ZNF711: variants seen among roughly 807,000 people sequenced by gnomAD.
ZNF711 encodes ZFX family zinc finger ZNF711.
In ZNF711, 3 loss-of-function variants were observed where a neutral mutation model predicts 43.5. The ratio of observed to expected loss-of-function variants is 0.07; its 90% CI spans 0.03 to 0.18. ZNF711 has a LOEUF of 0.18. Ranked by LOEUF, ZNF711 falls within the 10% of genes least tolerant of loss-of-function variation. The probability of loss-of-function intolerance (pLI) is 1.00; values close to 1 mark genes in which losing one functional copy is unlikely to be tolerated. For synonymous variants in ZNF711, 209 were observed against 207.7 expected (o/e 1.01, Z -0.06); for missense variants, 412 against 604.0 (o/e 0.68, Z 3.33).
intron 8 of ZNF711, among the ~76,000 whole-genome samples, 182 bp downstream of exon 8, chrX:85,267,597 T>C (rs181340903): frequency 1.8e-5 from 2 of 112,130 alleles, no homozygotes; most frequent in Non-Finnish European, 3.8e-5. Context: ...CCTTGTACTA[T>C]TTAAAATGAA....
At position 85,273,134 on chromosome X, in the gene ZNF711, T is replaced by A. The variant is rs1258414427; in HGVS notation, c.*1306T>A. The A allele has an allele frequency of 8.9e-6, 1 of 112,167 alleles. No homozygotes were observed. The highest frequency in any genetic ancestry group is 1.9e-5 in the Non-Finnish European group (1 of 53,076). The allele number at this position is 112,167 out of a possible 1,213,427, so 9.2% of individuals were successfully genotyped here. On this transcript the variant is annotated 3_prime_UTR_variant, in exon 11 of 11. Coordinates refer to ENST00000674551, the MANE Select transcript of ZNF711 (RefSeq NM_001330574.2). ...TTGTGGCTTTGTGTTTCAAATAATG[T>A]TCACCTTTCTGTTTTTGCACCAGAT...
intron 7 of ZNF711, among the ~76,000 whole-genome samples, chrX:85,266,679 G>A (rs1931124533): frequency 9.3e-6 from 1 of 107,281 alleles, no homozygotes; most frequent in African/African-American, 3.4e-5. Context: ...TTTTCTTACC[G>A]CAATATTGTT....
Position 85,271,348 on chromosome X carries a change from A to G in ZNF711, c.1944A>G (p.Ser648=). The change falls in exon 11 of 11, where the codon TCA becomes TCG. Residue 648 remains serine, a synonymous_variant. Transcript: ENST00000674551. The stretch of plus-strand genomic sequence containing the variant: ...ATTGTGACCATAAGAGCACCAATTC[A>G]AGTGACCTTAAGCGGCACATCATAT... ...CPHCDHKSTN[S]SDLKRHIISV... is the part of the protein sequence containing the mutation. 2.5e-6 allele frequency: 3 copies of G among 1,210,214 alleles called. No individual in the cohort carries two copies. Among genetic ancestry groups the G allele is most frequent in the Non-Finnish European group, 3.4e-6 (3 of 894,728 alleles).
chrX:85,270,200 T>A, intron 10 of ZNF711, 54 bp downstream of exon 10: 1 of 1,148,011 alleles, frequency 8.7e-7, no homozygotes, highest in South Asian at 1.9e-5. Flanking sequence ...GAAGTATTTT[T>A]TGTCACCAAA....
At chrX:85,266,201 T>G (rs1039746873) in intron 7 of ZNF711, among the ~76,000 whole-genome samples, 2 of 111,420 alleles carry the variant, frequency 1.8e-5, no homozygotes, top group Admixed American at 1.9e-4. Context: ...TGATACCTAC[T>G]CCAAGTTTCC....
rs146633029 is a variant in ZNF711, at chrX:85,260,293, A to G, written c.623-3982A>G. 2.5e-4 allele frequency among the ~76,000 whole-genome samples: 27 copies of G among 107,923 alleles called. No individual in the cohort carries two copies. In the East Asian group the frequency reaches 6.5e-3, roughly 26 times the overall value. 93.7% of individuals were successfully genotyped at this position (107,923 alleles called of 115,157 possible). ...TTTGATGTGCTGTTGAATTTAGTTT[A>G]CTAGTATTTTCTTGAGGATTCTTGC... On this transcript the variant is annotated intron_variant, in intron 5 of 10. Coordinates refer to ENST00000674551, the MANE Select transcript of ZNF711 (RefSeq NM_001330574.2).
At chrX:85,247,729 G>T in intron 4 of ZNF711, 78 bp downstream of exon 4, 1 of 795,495 alleles carries the variant, frequency 1.3e-6, no homozygotes. Context: ...AGTTGAGGAA[G>T]GGGAGAATTA....
chrX:85,257,617 A>G (rs113073656), intron 5 of ZNF711, among the ~76,000 whole-genome samples: 9,019 of 112,137 alleles, frequency 0.08, 796 homozygotes, highest in African/African-American at 0.26. Flanking sequence ...ATTGTAAATA[A>G]TGCTGTGATG....
intron 2 of ZNF711, among the ~76,000 whole-genome samples, 165 bp downstream of exon 2, chrX:85,246,187 A>C (rs1446554553): frequency 9.2e-6 from 1 of 108,823 alleles, no homozygotes; most frequent in Non-Finnish European, 1.9e-5. Context: ...TGTTAAGAAC[A>C]TGTCCCTTTC....
intron 4 of ZNF711, among the ~76,000 whole-genome samples, chrX:85,249,069 TGA>T (rs1929314356): frequency 8.9e-6 from 1 of 112,119 alleles, no homozygotes; most frequent in South Asian, 3.7e-4. Context: ...ATATTGGATG[TGA>T]GTTAATTGAT....
At chrX:85,265,787 C>G (rs1931042609) in intron 7 of ZNF711, among the ~76,000 whole-genome samples, 1 of 111,111 alleles carries the variant, frequency 9.0e-6, no homozygotes, top group Non-Finnish European at 1.9e-5. Context: ...CTGTTGGCTT[C>G]TCTCTGGATT....
At chrX:85,255,175 A>C in intron 4 of ZNF711, 84 bp from the exon 5 acceptor site, 2 of 874,560 alleles carry the variant, frequency 2.3e-6, no homozygotes, top group Non-Finnish European at 3.3e-6. Context: ...TTTAAGAAAT[A>C]TTTATAGCAT....
intron 4 of ZNF711, among the ~76,000 whole-genome samples, chrX:85,248,810 A>G (rs187075943): frequency 8.9e-6 from 1 of 112,123 alleles, no homozygotes; most frequent in East Asian, 2.8e-4. Flanking sequence ...TTGCTAAGTT[A>G]AGAAAATGCT....
rs1323840950 is a variant in ZNF711 at position 85,245,909 on chromosome X, A to G, written c.-399A>G. The stretch of plus-strand genomic sequence containing the variant: ...GAATGTATTTTTATAATAGGTAAAG[A>G]GAGCGTTTTCCCAAAGAAAATAACA... On this transcript the variant is annotated 5_prime_UTR_variant, in exon 2 of 11. Coordinates refer to ENST00000674551, the MANE Select transcript of ZNF711 (RefSeq NM_001330574.2). The G allele has an allele frequency of 8.9e-6, 1 of 112,150 alleles. No individual in the cohort carries two copies. Among genetic ancestry groups the G allele is most frequent in the African/African-American group, 3.2e-5 (1 of 30,846 alleles). 9.2% of individuals were successfully genotyped at this position (112,150 alleles called of 1,213,427 possible). A position where few individuals can be genotyped will look rare whatever the true frequency, so the allele number is the denominator to read the frequency against.
chrX:85,254,839 C>T (rs1165228424), intron 4 of ZNF711, among the ~76,000 whole-genome samples: 1 of 107,953 alleles, frequency 9.3e-6, no homozygotes, highest in African/African-American at 3.4e-5. Context: ...AAAAAGAAAT[C>T]GCCAAACTAT....
chrX:85,263,646 G>T (rs2147851565), intron 5 of ZNF711, among the ~76,000 whole-genome samples: 1 of 109,360 alleles, frequency 9.1e-6, no homozygotes, highest in South Asian at 3.8e-4. Context: ...TAGTTTATGT[G>T]AACTCATTTT....
intron 5 of ZNF711, among the ~76,000 whole-genome samples, chrX:85,256,725 T>G (rs910354919): frequency 9.4e-6 from 1 of 106,927 alleles, no homozygotes; most frequent in African/African-American, 3.5e-5. Context: ...TTATTTAATT[T>G]GTGAATTTAA....
chrX:85,253,970 C>T (rs1243821722), intron 4 of ZNF711, among the ~76,000 whole-genome samples: 1 of 111,286 alleles, frequency 9.0e-6, no homozygotes, highest in Non-Finnish European at 1.9e-5. Context: ...AATATATCAA[C>T]AGTGTGTTCA....
Position 85,272,811 on chromosome X carries a change from T to G in ZNF711, c.*983T>G, listed in dbSNP as rs1402735893. On this transcript the variant is annotated 3_prime_UTR_variant, in exon 11 of 11. Transcript: ENST00000674551. ...TATACCATATGATTAACATGCATTT[T>G]CAATATGAGGCAGTGTTTATGCAGT... 2 of 112,195 alleles carry G rather than the reference T, an allele frequency of 1.8e-5. No individual in the cohort carries two copies. Among genetic ancestry groups the G allele is most frequent in the Non-Finnish European group, 3.8e-5 (2 of 53,081 alleles). 9.2% of individuals were successfully genotyped at this position (112,195 alleles called of 1,213,427 possible). A position where few individuals can be genotyped will look rare whatever the true frequency, so the allele number is the denominator to read the frequency against.
Sources: allele counts gnomAD v4.1 joint callset (sites outside exome capture counted in the v4.1 genomes callset), GRCh38; gene constraint gnomAD v4.1.1; transcripts MANE v1.5; gene names NCBI Gene and HGNC (gene_info 2026-07-23, HGNC 2026-07-21).